The following ALK variants were observed in gnomAD, a reference collection of about 807,000 sequenced individuals.
ALK encodes the protein ALK tyrosine kinase receptor.
ALK carries 74 observed loss-of-function variants against 163.1 expected under a neutral mutation model. That is an observed-to-expected ratio of 0.45 (90% CI 0.38 to 0.55). The LOEUF (loss-of-function observed/expected upper bound fraction) is 0.55, where lower values mean the gene tolerates loss of function less well. ALK is among the 20% of genes least tolerant of loss of function. The pLI, the probability that ALK is intolerant of heterozygous loss-of-function variation, is 0.00. For synonymous variants in ALK, 960 were observed against 843.2 expected (o/e 1.14, Z -2.40); for missense variants, 2,063 against 2,105.3 (o/e 0.98, Z 0.39).
At chr2:29,526,213 A>G (rs1672955780) in intron 4 of ALK, among the ~76,000 whole-genome samples, 1 of 152,100 alleles carries the variant, frequency 6.6e-6, no homozygotes, top group African/African-American at 2.4e-5. Context: ...ATTTAAACCC[A>G]CGACAACCCC....
chr2:29,251,236 G>A lies in ALK; in HGVS notation c.2073C>T (p.Ser691=), dbSNP rs370435082. ...VHWLFTTCGA[S]GPHGPTQAQC... ...GTGCCTGGGTGGGGCCATGGGGCCC[G>A]CTGGCCCCACATGTGGTGAACAGCC... Residue 691 remains serine (S), a synonymous_variant, in exon 12 of 29, where the codon AGC becomes AGT. Coordinates refer to ENST00000389048, the MANE Select transcript of ALK (RefSeq NM_004304.5). 2.3e-5 allele frequency: 37 copies of A among 1,613,678 alleles called. No individual in the cohort carries two copies. The East Asian group carries it at 3.1e-4, about 14-fold the overall frequency.
At chr2:29,739,509 G>A (rs956397634) in intron 1 of ALK, among the ~76,000 whole-genome samples, 5 of 149,610 alleles carry the variant, frequency 3.3e-5, no homozygotes, top group Non-Finnish European at 7.4e-5. Flanking sequence ...AGTGAGCCGA[G>A]ATTGCGCCAC....
chr2:29,445,460 G>A (rs1479537838), intron 4 of ALK, among the ~76,000 whole-genome samples: 2 of 152,212 alleles, frequency 1.3e-5, no homozygotes, highest in Non-Finnish European at 2.9e-5. Flanking sequence ...GCCAATAGGG[G>A]GTTCCCTCAC....
At chr2:29,741,381 A>C (rs987596631) in intron 1 of ALK, among the ~76,000 whole-genome samples, 3 of 152,220 alleles carry the variant, frequency 2.0e-5, no homozygotes, top group Non-Finnish European at 2.9e-5. Flanking sequence ...AACCGGTGTG[A>C]ATGTTGACAG....
intron 8 of ALK, among the ~76,000 whole-genome samples, chr2:29,306,113 G>A (rs1198933288): frequency 6.6e-6 from 1 of 152,170 alleles, no homozygotes; most frequent in Admixed American, 6.5e-5. Context: ...GGGACCCCTG[G>A]CCTACTGGAT....
intron 26 of ALK, among the ~76,000 whole-genome samples, chr2:29,198,492 C>A (rs995496463): frequency 3.9e-5 from 6 of 152,126 alleles, no homozygotes; most frequent in African/African-American, 1.4e-4. Flanking sequence ...GATCTTGAAT[C>A]CAGATAGGAT....
chr2:29,696,829 CCAG>C (rs1443773900), intron 2 of ALK, among the ~76,000 whole-genome samples: 1 of 151,920 alleles, frequency 6.6e-6, no homozygotes, highest in Non-Finnish European at 1.5e-5. Flanking sequence ...GTAACATTCC[CCAG>C]CTTCCCACTG....
Position 29,828,268 on chromosome 2 carries a change from A to G in ALK, c.667+91725T>C, listed in dbSNP as rs1665256448. Among the ~76,000 whole-genome samples the G allele has an allele frequency of 2.0e-5, 3 of 152,238 alleles. No homozygotes were observed. In the South Asian group the frequency reaches 6.2e-4, roughly 31 times the overall value. On this transcript the variant is annotated intron_variant, in intron 1 of 28. Coordinates refer to ENST00000389048, the MANE Select transcript of ALK (RefSeq NM_004304.5). ...GGACATAGGCATGGGCAAGGACTTC[A>G]TGTCTAAAACACCAAAAGCAATGGC...
intron 5 of ALK, among the ~76,000 whole-genome samples, chr2:29,366,193 T>C (rs1161682580): frequency 6.6e-6 from 1 of 151,862 alleles, no homozygotes; most frequent in African/African-American, 2.4e-5. Context: ...AGTCACAGAG[T>C]GAGGCAGAAT....
At chr2:29,919,432 G>T (rs984137731) in intron 1 of ALK, among the ~76,000 whole-genome samples, 1 of 152,042 alleles carries the variant, frequency 6.6e-6, no homozygotes, top group African/African-American at 2.4e-5. Context: ...GACTGGGTGG[G>T]GGTGGGAGGG....
intron 1 of ALK, 31 bp from the exon 2 acceptor site, chr2:29,717,728 C>T: frequency 6.2e-7 from 1 of 1,613,696 alleles, no homozygotes. Context: ...AACACTGATC[C>T]ATGTGCTTGG....
At chr2:29,239,914 T>G (rs911502388) in intron 12 of ALK, 84 bp from the exon 13 acceptor site, 3 of 1,502,950 alleles carry the variant, frequency 2.0e-6, no homozygotes, top group Admixed American at 1.8e-5. Context: ...TCCAGTGGGC[T>G]AAGCACATCG....
At chr2:29,303,146 A>G (rs936709932) in intron 8 of ALK, among the ~76,000 whole-genome samples, 3 of 152,318 alleles carry the variant, frequency 2.0e-5, no homozygotes, top group South Asian at 2.1e-4. Context: ...TCCAGAACCT[A>G]TAAGGAACTT....
intron 1 of ALK, among the ~76,000 whole-genome samples, chr2:29,753,282 G>T (rs1402135909): frequency 6.6e-6 from 1 of 152,192 alleles, no homozygotes. Context: ...AGTGCGATTT[G>T]ATCTGTGCAA....
intron 19 of ALK, chr2:29,224,642 C>G (rs929118392): frequency 4.4e-6 from 1 of 225,678 alleles, no homozygotes; most frequent in African/African-American, 2.2e-5. Flanking sequence ...GTTCCCTCCT[C>G]TATGCAATGG....
At chr2:29,559,756 G>A (rs1305001803) in intron 3 of ALK, among the ~76,000 whole-genome samples, 2 of 133,678 alleles carry the variant, frequency 1.5e-5, no homozygotes, top group African/African-American at 5.5e-5. Flanking sequence ...GTGGGTCACA[G>A]GGGAGCATGT....
At chr2:29,840,559 C>A (rs1167218760) in intron 1 of ALK, among the ~76,000 whole-genome samples, 1 of 152,158 alleles carries the variant, frequency 6.6e-6, no homozygotes, top group Non-Finnish European at 1.5e-5. Flanking sequence ...TAATTCCTTT[C>A]CCTTTGCATC....
At chr2:29,756,674 G>A (rs1373946760) in intron 1 of ALK, among the ~76,000 whole-genome samples, 4 of 151,974 alleles carry the variant, frequency 2.6e-5, no homozygotes, top group Non-Finnish European at 5.9e-5. Flanking sequence ...TTACAGGCAC[G>A]CACCACCACG....
At chr2:29,543,775 G>C (rs1004854462) in intron 3 of ALK, among the ~76,000 whole-genome samples, 4 of 152,116 alleles carry the variant, frequency 2.6e-5, no homozygotes, top group Non-Finnish European at 4.4e-5. Flanking sequence ...GACAGCTTCT[G>C]TCTCCTCTAT....
Sources: allele counts gnomAD v4.1 joint callset (sites outside exome capture counted in the v4.1 genomes callset), GRCh38; gene constraint gnomAD v4.1.1; transcripts MANE v1.5; gene names NCBI Gene and HGNC (gene_info 2026-07-23, HGNC 2026-07-21).